The following GRIN2A variants were observed in gnomAD, a reference collection of about 807,000 sequenced individuals.
The protein encoded by GRIN2A is glutamate receptor ionotropic, NMDA 2A.
Under a neutral mutation model 113.4 loss-of-function variants are expected in GRIN2A, and 22 were observed. The ratio of observed to expected loss-of-function variants is 0.19; its 90% CI spans 0.14 to 0.28. GRIN2A has a LOEUF of 0.28. Among genes scored for constraint, GRIN2A ranks in the 10% least tolerant of loss-of-function variants. The pLI is 1.00. For synonymous variants in GRIN2A, 827 were observed against 738.4 expected (o/e 1.12, Z -1.94); for missense variants, 1,502 against 1,887.0 (o/e 0.80, Z 3.78).
chr16:9,971,871 G>C (rs772910150), intron 2 of GRIN2A, among the ~76,000 whole-genome samples: 8 of 152,264 alleles, frequency 5.3e-5, no homozygotes, highest in East Asian at 1.9e-4. Context: ...AGATTTCACA[G>C]GGACATTGAA....
intron 2 of GRIN2A, among the ~76,000 whole-genome samples, chr16:10,128,012 T>A (rs2067526316): frequency 6.6e-6 from 1 of 152,024 alleles, no homozygotes; most frequent in South Asian, 2.1e-4. Flanking sequence ...GAAGCCAAGG[T>A]CACCCATATA....
intron 2 of GRIN2A, among the ~76,000 whole-genome samples, chr16:10,118,900 T>A (rs1393665897): frequency 1.3e-5 from 2 of 152,166 alleles, no homozygotes; most frequent in Non-Finnish European, 2.9e-5. Flanking sequence ...ATAAACAAAG[T>A]CACATTCAGG....
intron 2 of GRIN2A, among the ~76,000 whole-genome samples, chr16:10,039,808 G>GGGAGA (rs1555469298): frequency 3.0e-4 from 19 of 63,824 alleles, no homozygotes; most frequent in African/African-American, 1.0e-3. Flanking sequence ...GGGAGGGGGG[G>GGGAGA]GAGAAAGAGA....
intron 3 of GRIN2A, chr16:9,937,649 C>T (rs2044742539): frequency 2.6e-6 from 1 of 385,828 alleles, no homozygotes; most frequent in Non-Finnish European, 4.8e-6. Context: ...TTATGAGTTA[C>T]AAAAAATATA....
chr16:10,159,703 T>C (rs1208463181), intron 2 of GRIN2A, among the ~76,000 whole-genome samples: 2 of 152,090 alleles, frequency 1.3e-5, no homozygotes, highest in Non-Finnish European at 2.9e-5. Flanking sequence ...AGGTATTATT[T>C]TAGATAGATA....
intron 2 of GRIN2A, among the ~76,000 whole-genome samples, chr16:10,143,149 A>T (rs949972788): frequency 6.6e-6 from 1 of 152,222 alleles, no homozygotes; most frequent in Non-Finnish European, 1.5e-5. Flanking sequence ...GTTGGTATGC[A>T]TGTCGCTGGT....
chr16:9,922,837 A>G (rs1036136050), intron 3 of GRIN2A, among the ~76,000 whole-genome samples: 7 of 152,210 alleles, frequency 4.6e-5, no homozygotes, highest in African/African-American at 1.7e-4. Flanking sequence ...ATTAATTTCA[A>G]AGTGGTCACA....
At chr16:9,812,852 A>C (rs1187240439) in intron 10 of GRIN2A, among the ~76,000 whole-genome samples, 1 of 152,196 alleles carries the variant, frequency 6.6e-6, no homozygotes, top group African/African-American at 2.4e-5. Context: ...AGTCTTAGGG[A>C]AAGTCAGTAA....
chr16:10,123,829 C>T (rs1447353578), intron 2 of GRIN2A, among the ~76,000 whole-genome samples: 1 of 152,224 alleles, frequency 6.6e-6, no homozygotes, highest in Non-Finnish European at 1.5e-5. Context: ...TTTACCCTTT[C>T]TTACTGTGTG....
chr16:10,048,977 T>C (rs1261395544), intron 2 of GRIN2A, among the ~76,000 whole-genome samples: 1 of 152,208 alleles, frequency 6.6e-6, no homozygotes, highest in Non-Finnish European at 1.5e-5. Context: ...TGCCCATTCA[T>C]GCATCAGAAA....
intron 11 of GRIN2A, among the ~76,000 whole-genome samples, chr16:9,789,537 A>C (rs1168510973): frequency 6.7e-6 from 1 of 149,426 alleles, no homozygotes. Context: ...GGTTGATAAG[A>C]TATATGAAAC....
intron 4 of GRIN2A, among the ~76,000 whole-genome samples, chr16:9,854,616 T>C (rs2042937602): frequency 6.6e-6 from 1 of 152,152 alleles, no homozygotes; most frequent in Admixed American, 6.6e-5. Context: ...ACCTTGGACG[T>C]GATGGTGACT....
At chr16:9,980,995 A>C (rs1275302101) in intron 2 of GRIN2A, among the ~76,000 whole-genome samples, 3 of 151,182 alleles carry the variant, frequency 2.0e-5, no homozygotes, top group African/African-American at 7.3e-5. Context: ...TAATAATAAA[A>C]AATAAAAATA....
At chr16:9,902,565 G>A (rs908318646) in intron 3 of GRIN2A, among the ~76,000 whole-genome samples, 1 of 152,202 alleles carries the variant, frequency 6.6e-6, no homozygotes, top group Admixed American at 6.5e-5. Context: ...TTTTAGCTGA[G>A]TTAAGCAGTC....
chr16:10,115,166 T>A (rs955823939), intron 2 of GRIN2A, among the ~76,000 whole-genome samples: 1 of 152,240 alleles, frequency 6.6e-6, no homozygotes, highest in African/African-American at 2.4e-5. Context: ...GAGACAGTCT[T>A]AAGACGGCTC....
intron 2 of GRIN2A, among the ~76,000 whole-genome samples, chr16:10,168,903 T>G (rs1363686251): frequency 6.6e-6 from 1 of 151,458 alleles, no homozygotes; most frequent in African/African-American, 2.4e-5. Flanking sequence ...CGGCAGAGGT[T>G]GCAGTAAACC....
chr16:10,052,683 A>T (rs1438594671), intron 2 of GRIN2A, among the ~76,000 whole-genome samples: 1 of 152,202 alleles, frequency 6.6e-6, no homozygotes, highest in Non-Finnish European at 1.5e-5. Flanking sequence ...AGGAAGCTTC[A>T]ATCACTAGAG....
At chr16:10,055,775 A>C (rs1429266875) in intron 2 of GRIN2A, among the ~76,000 whole-genome samples, 2 of 152,234 alleles carry the variant, frequency 1.3e-5, no homozygotes, top group Non-Finnish European at 2.9e-5. Flanking sequence ...ACATTTACCC[A>C]TCCAATCTGA....
intron 3 of GRIN2A, among the ~76,000 whole-genome samples, chr16:9,937,233 G>T (rs1360215696): frequency 1.3e-5 from 2 of 152,010 alleles, no homozygotes; most frequent in Non-Finnish European, 1.5e-5. Context: ...GGTTGGGGCG[G>T]GAGGTGGGGA....
Sources: allele counts gnomAD v4.1 joint callset (sites outside exome capture counted in the v4.1 genomes callset), GRCh38; gene constraint gnomAD v4.1.1; transcripts MANE v1.5; gene names NCBI Gene and HGNC (gene_info 2026-07-23, HGNC 2026-07-21).